KIAA1217: variants seen among roughly 807,000 people sequenced by gnomAD.
KIAA1217 encodes the protein sickle tail protein homolog.
In KIAA1217, 88 loss-of-function variants were observed where a neutral mutation model predicts 163.9. The ratio of observed to expected loss-of-function variants is 0.54; its 90% CI spans 0.45 to 0.64. The LOEUF is 0.64. KIAA1217 is among the 30% of genes least tolerant of loss of function. KIAA1217 has a pLI of 0.00. For synonymous variants in KIAA1217, 903 were observed against 923.1 expected, an observed-to-expected ratio of 0.98 and a Z score of 0.39; for missense variants, 2,372 against 2,475.0, an observed-to-expected ratio of 0.96 and a Z score of 0.88.
intron 2 of KIAA1217, among the ~76,000 whole-genome samples, chr10:24,032,548 T>G (rs1848231577): frequency 6.6e-6 from 1 of 152,034 alleles, no homozygotes; most frequent in Non-Finnish European, 1.5e-5. Context: ...CTTCATGAGT[T>G]TTGTCTGTTT....
chr10:24,080,393 A>G (rs2061501206), intron 2 of KIAA1217, among the ~76,000 whole-genome samples: 1 of 152,176 alleles, frequency 6.6e-6, no homozygotes, highest in Admixed American at 6.5e-5. Flanking sequence ...CCTTGGCGTG[A>G]CTAGTATTGT....
intron 2 of KIAA1217, among the ~76,000 whole-genome samples, chr10:24,361,940 G>A (rs921768440): frequency 2.9e-5 from 4 of 139,968 alleles, no homozygotes; most frequent in Non-Finnish European, 6.0e-5. Context: ...GCAAGATCGG[G>A]CCACTGCACT....
At chr10:24,086,056 A>G (rs2061689772) in intron 2 of KIAA1217, among the ~76,000 whole-genome samples, 1 of 151,798 alleles carries the variant, frequency 6.6e-6, no homozygotes, top group East Asian at 1.9e-4. Context: ...CCCACCACAC[A>G]GAAACACCCC....
Position 24,543,066 on chromosome 10 carries a change from G to A in KIAA1217, c.3796G>A (p.Ala1266Thr), listed in dbSNP as rs1202899356. The A allele has an allele frequency of 3.7e-6, 6 of 1,613,336 alleles. No homozygotes were observed. Among genetic ancestry groups the A allele is most frequent in the Non-Finnish European group, 5.1e-6 (6 of 1,179,828 alleles). The change falls in exon 19 of 21, where the codon GCC (alanine) becomes ACC (threonine). Residue 1266 changes from alanine (A) to threonine (T), a missense_variant. Physicochemically the swap from Ala to Thr is moderately conservative, Grantham distance 58. Coordinates refer to ENST00000376454, the MANE Select transcript of KIAA1217 (RefSeq NM_019590.5). The stretch of plus-strand genomic sequence containing the variant: ...CTATTCCCAGGAAACTGTGCCTAAG[G>A]CCAGTTTCGGTTTCTCTGGCATTAG... ...RNYSQETVPK[A>T]SFGFSGISPL... is the part of the protein sequence containing the mutation.
intron 1 of KIAA1217, among the ~76,000 whole-genome samples, chr10:23,862,061 C>A (rs1839978421): frequency 1.3e-5 from 2 of 152,146 alleles, no homozygotes; most frequent in South Asian, 2.1e-4. Flanking sequence ...GAAACATCTT[C>A]ATTGATTATG....
intron 6 of KIAA1217, among the ~76,000 whole-genome samples, chr10:24,484,241 A>ATATATATATT (rs1376083298): frequency 1.3e-5 from 1 of 75,144 alleles, no homozygotes; most frequent in Admixed American, 1.8e-4. Flanking sequence ...ATATATATAT[A>ATATATATATT]TTTTTTTTTT....
intron 2 of KIAA1217, among the ~76,000 whole-genome samples, chr10:24,314,129 C>T (rs2043058606): frequency 1.3e-5 from 2 of 152,054 alleles, no homozygotes; most frequent in Admixed American, 1.3e-4. Flanking sequence ...ATGACTTAAT[C>T]CTTACCAAGA....
chr10:24,030,686 G>T (rs1285538046), intron 2 of KIAA1217, among the ~76,000 whole-genome samples: 3 of 152,086 alleles, frequency 2.0e-5, no homozygotes, highest in Non-Finnish European at 4.4e-5. Context: ...CCCTTCCCCA[G>T]TGCCTGATAG....
intron 1 of KIAA1217, among the ~76,000 whole-genome samples, chr10:23,763,397 A>G (rs1425150327): frequency 1.3e-5 from 2 of 152,216 alleles, no homozygotes; most frequent in Non-Finnish European, 2.9e-5. Flanking sequence ...ACAGCATGGT[A>G]CTGGTACCAA....
At chr10:24,446,375 G>A (rs897214390) in intron 5 of KIAA1217, among the ~76,000 whole-genome samples, 1 of 151,404 alleles carries the variant, frequency 6.6e-6, no homozygotes, top group Non-Finnish European at 1.5e-5. Flanking sequence ...CTTCTTTTCT[G>A]AGCACACTAA....
chr10:24,459,759 C>CAA (rs112878125), intron 5 of KIAA1217, among the ~76,000 whole-genome samples: 501 of 138,216 alleles, frequency 3.6e-3, no homozygotes, highest in African/African-American at 0.013. Context: ...CTTAGCTCTA[C>CAA]AAAAAAAAAA....
intron 1 of KIAA1217, among the ~76,000 whole-genome samples, chr10:23,851,077 T>G (rs1013266579): frequency 1.3e-5 from 2 of 152,116 alleles, no homozygotes; most frequent in African/African-American, 4.8e-5. Flanking sequence ...GTTAGTTACA[T>G]ATGTATACAT....
At chr10:23,914,200 A>G (rs1430050863) in intron 1 of KIAA1217, among the ~76,000 whole-genome samples, 1 of 152,148 alleles carries the variant, frequency 6.6e-6, no homozygotes, top group African/African-American at 2.4e-5. Context: ...CAGGTGGAGG[A>G]AACTCACCTT....
chr10:24,462,197 T>C (rs1202176330), intron 5 of KIAA1217, among the ~76,000 whole-genome samples: 1 of 151,448 alleles, frequency 6.6e-6, no homozygotes, highest in Non-Finnish European at 1.5e-5. Flanking sequence ...TAAATATAAC[T>C]AATATATAAC....
intron 1 of KIAA1217, among the ~76,000 whole-genome samples, chr10:23,925,616 G>A (rs972433561): frequency 6.6e-6 from 1 of 152,192 alleles, no homozygotes; most frequent in African/African-American, 2.4e-5. Flanking sequence ...CGAAGGCAGA[G>A]GCATCAGTTT....
chr10:23,926,664 G>T (rs946238480), intron 1 of KIAA1217, among the ~76,000 whole-genome samples: 1 of 152,004 alleles, frequency 6.6e-6, no homozygotes, highest in Non-Finnish European at 1.5e-5. Flanking sequence ...GGCGGAGGTT[G>T]CAGTGAGCTG....
At chr10:24,024,742 C>T (rs555686466) in intron 2 of KIAA1217, among the ~76,000 whole-genome samples, 3 of 151,756 alleles carry the variant, frequency 2.0e-5, no homozygotes, top group African/African-American at 7.2e-5. Context: ...TTTTTAATTT[C>T]AGCCATTCTA....
chr10:23,972,448 T>A (rs1845354077), intron 1 of KIAA1217, among the ~76,000 whole-genome samples: 1 of 152,032 alleles, frequency 6.6e-6, no homozygotes, highest in African/African-American at 2.4e-5. Context: ...ACGTATGAGA[T>A]CATGTCCTTT....
At chr10:23,732,415 G>T (rs1838527272) in intron 1 of KIAA1217, among the ~76,000 whole-genome samples, 1 of 151,952 alleles carries the variant, frequency 6.6e-6, no homozygotes, top group Non-Finnish European at 1.5e-5. Flanking sequence ...AAAATCAATG[G>T]TTTTAAATTG....
Sources: gnomAD v4.1 joint callset for allele counts (sites outside exome capture counted in the v4.1 genomes callset) on GRCh38, gnomAD v4.1.1 for gene constraint, MANE v1.5 for transcripts, NCBI Gene and HGNC (gene_info 2026-07-23, HGNC 2026-07-21) for gene names.